The following SYT9 variants were observed in gnomAD, a reference collection of about 807,000 sequenced individuals.
The protein encoded by SYT9 is synaptotagmin 9.
In SYT9, 22 loss-of-function variants were observed where a neutral mutation model predicts 48.4. That is an observed-to-expected ratio of 0.45 (90% CI 0.32 to 0.65). The LOEUF is 0.65. SYT9 is among the 30% of genes least tolerant of loss of function. The probability of loss-of-function intolerance (pLI) is 0.03; values close to 1 mark genes in which losing one functional copy is unlikely to be tolerated. For missense variants in SYT9, 577 were observed against 622.0 expected, an observed-to-expected ratio of 0.93 and a Z score of 0.77; for synonymous variants, 265 against 245.0, an observed-to-expected ratio of 1.08 and a Z score of -0.76.
intron 3 of SYT9, among the ~76,000 whole-genome samples, chr11:7,413,232 C>T (rs992576395): frequency 5.3e-5 from 8 of 152,128 alleles, no homozygotes; most frequent in African/African-American, 1.7e-4. Flanking sequence ...CTAGTGACAG[C>T]GGGATTTATC....
intron 6 of SYT9, among the ~76,000 whole-genome samples, chr11:7,445,060 T>TG (rs1847902456): frequency 6.6e-6 from 1 of 152,222 alleles, no homozygotes; most frequent in African/African-American, 2.4e-5. Flanking sequence ...TTGAGTTGTG[T>TG]GTCCTTGAGC....
intron 3 of SYT9, 85 bp from the exon 4 acceptor site, chr11:7,415,957 C>A (rs937989166): frequency 1.1e-4 from 170 of 1,551,248 alleles, no homozygotes; most frequent in Middle Eastern, 3.6e-4. Context: ...GCAGTGTGTT[C>A]CCTTTCAGTG....
intron 1 of SYT9, among the ~76,000 whole-genome samples, chr11:7,291,216 A>G (rs1848691797): frequency 6.6e-6 from 1 of 152,192 alleles, no homozygotes; most frequent in Non-Finnish European, 1.5e-5. Flanking sequence ...GGTCAGCCTC[A>G]CAGAGCCCAA....
At chr11:7,245,696 C>T (rs1847783668) in intron 1 of SYT9, among the ~76,000 whole-genome samples, 1 of 152,228 alleles carries the variant, frequency 6.6e-6, no homozygotes, top group Non-Finnish European at 1.5e-5. Flanking sequence ...TGTATCATCA[C>T]ATCGTAGATG....
At chr11:7,460,660 C>G (rs1163236282) in intron 6 of SYT9, among the ~76,000 whole-genome samples, 2 of 152,032 alleles carry the variant, frequency 1.3e-5, no homozygotes, top group East Asian at 1.9e-4. Flanking sequence ...ATAAATTTAA[C>G]TAGTTAAGTT....
At chr11:7,289,536 A>G (rs4758170) in intron 1 of SYT9, among the ~76,000 whole-genome samples, 77,367 of 152,056 alleles carry the variant, frequency 0.51, 19,764 homozygotes, top group Middle Eastern at 0.54. Flanking sequence ...TACTTGGTTT[A>G]AAGAGAAGTG....
At chr11:7,244,614 A>C (rs1847773399) in intron 1 of SYT9, among the ~76,000 whole-genome samples, 1 of 152,236 alleles carries the variant, frequency 6.6e-6, no homozygotes, top group Admixed American at 6.5e-5. Flanking sequence ...ATTTGATGGG[A>C]GTGCTAATCA....
At chr11:7,431,798 A>G (rs80265465) in intron 6 of SYT9, among the ~76,000 whole-genome samples, 3,403 of 152,342 alleles carry the variant, frequency 0.022, 119 homozygotes, top group African/African-American at 0.076. Flanking sequence ...GGCAGCTTCC[A>G]TGTGGCATTA....
At chr11:7,363,521 T>C (rs1850185168) in intron 3 of SYT9, among the ~76,000 whole-genome samples, 5 of 152,152 alleles carry the variant, frequency 3.3e-5, no homozygotes, top group African/African-American at 1.2e-4. Flanking sequence ...GTTAGATAAA[T>C]GGGCTTGAAA....
intron 1 of SYT9, among the ~76,000 whole-genome samples, chr11:7,270,826 G>GACACAC (rs1848279984): frequency 1.2e-5 from 1 of 84,318 alleles, no homozygotes; most frequent in Non-Finnish European, 2.2e-5. Flanking sequence ...AGATGCACAA[G>GACACAC]ACACAGACAC....
At chr11:7,452,148 C>CACAA (rs60058723) in intron 6 of SYT9, among the ~76,000 whole-genome samples, 1 of 150,248 alleles carries the variant, frequency 6.7e-6, no homozygotes, top group Non-Finnish European at 1.5e-5. Flanking sequence ...CACACACACA[C>CACAA]TGAGGAAAAA....
At chr11:7,458,715 CG>C (rs1848193750) in intron 6 of SYT9, among the ~76,000 whole-genome samples, 1 of 151,806 alleles carries the variant, frequency 6.6e-6, no homozygotes, top group African/African-American at 2.4e-5. Flanking sequence ...GAGGTTCACA[CG>C]AGGATAGTGA....
chr11:7,274,595 G>C (rs563158444), intron 1 of SYT9, among the ~76,000 whole-genome samples: 55 of 152,302 alleles, frequency 3.6e-4, no homozygotes, highest in African/African-American at 1.3e-3. Flanking sequence ...TGGGATTATA[G>C]GCATGAGCCA....
intron 3 of SYT9, among the ~76,000 whole-genome samples, chr11:7,408,157 C>G (rs938175823): frequency 1.3e-5 from 2 of 152,146 alleles, no homozygotes; most frequent in African/African-American, 4.8e-5. Flanking sequence ...GAGATGGAGT[C>G]TCGCTCTGTT....
intron 1 of SYT9, among the ~76,000 whole-genome samples, chr11:7,263,324 G>T (rs758780726): frequency 1.6e-4 from 24 of 152,132 alleles, no homozygotes; most frequent in Non-Finnish European, 2.5e-4. Context: ...GTCCTCACAT[G>T]GTGGAAGGGG....
rs763730766 is a variant in SYT9 at position 7,417,920 on chromosome 11, A to G, written c.1166-37A>G. ...TAACTGCCCACCTAAATCTATACGT[A>G]TCCTCACAGTACTCCTGCTTCTCAT... On this transcript the variant is annotated intron_variant, in intron 4 of 6. Coordinates refer to ENST00000318881, the MANE Select transcript of SYT9 (RefSeq NM_175733.4). 5.6e-6 allele frequency: 9 copies of G among 1,597,432 alleles called. No homozygotes were observed. The African/African-American group carries it at 9.4e-5, about 17-fold the overall frequency.
chr11:7,404,005 T>A (rs1846953793), intron 3 of SYT9, among the ~76,000 whole-genome samples: 1 of 152,184 alleles, frequency 6.6e-6, no homozygotes, highest in South Asian at 2.1e-4. Flanking sequence ...GTTGAGGCCT[T>A]TATCATAATG....
intron 3 of SYT9, among the ~76,000 whole-genome samples, chr11:7,316,854 C>T (rs2133958200): frequency 6.6e-6 from 1 of 152,338 alleles, no homozygotes; most frequent in African/African-American, 2.4e-5. Context: ...ATATTATTGG[C>T]ATTTCTTCAG....
At chr11:7,291,781 G>C (rs1311622958) in intron 1 of SYT9, among the ~76,000 whole-genome samples, 1 of 152,108 alleles carries the variant, frequency 6.6e-6, no homozygotes, top group Admixed American at 6.6e-5. Context: ...ACAGCTAGCA[G>C]ACAGCATGTA....
Sources: allele counts gnomAD v4.1 joint callset (sites outside exome capture counted in the v4.1 genomes callset), GRCh38; gene constraint gnomAD v4.1.1; transcripts MANE v1.5; gene names NCBI Gene and HGNC (gene_info 2026-07-23, HGNC 2026-07-21).